DGKB: variants seen among roughly 807,000 people sequenced by gnomAD.
DGKB encodes diacylglycerol kinase beta.
Under a neutral mutation model 114.3 loss-of-function variants are expected in DGKB, and 67 were observed. The observed-to-expected ratio is 0.59, with a 90% CI of 0.48 to 0.72. The LOEUF (loss-of-function observed/expected upper bound fraction) is 0.72. DGKB is among the 30% of genes least tolerant of loss of function. The pLI, the probability that DGKB is intolerant of heterozygous loss-of-function variation, is 0.00. For synonymous variants in DGKB, 398 were observed against 323.1 expected, an observed-to-expected ratio of 1.23 and a Z score of -2.49; for missense variants, 907 against 975.2, an observed-to-expected ratio of 0.93 and a Z score of 0.93.
At chr7:14,858,156 T>A (rs187138824) in intron 1 of DGKB, among the ~76,000 whole-genome samples, 2 of 152,288 alleles carry the variant, frequency 1.3e-5, no homozygotes, top group Admixed American at 1.3e-4. Flanking sequence ...ATCAGCAGTT[T>A]AAAAACATAC....
intron 21 of DGKB, among the ~76,000 whole-genome samples, chr7:14,384,751 G>A (rs1395898924): frequency 6.6e-6 from 1 of 152,204 alleles, no homozygotes; most frequent in Non-Finnish European, 1.5e-5. Flanking sequence ...GAGACATCTG[G>A]TAATATGTAG....
intron 1 of DGKB, among the ~76,000 whole-genome samples, chr7:14,929,551 C>A (rs1784902403): frequency 6.6e-6 from 1 of 151,968 alleles, no homozygotes. Context: ...ATCTTATTTG[C>A]CTACTTTTTA....
chr7:14,591,088 A>G (rs1801629999), intron 17 of DGKB, among the ~76,000 whole-genome samples: 1 of 152,158 alleles, frequency 6.6e-6, no homozygotes, highest in South Asian at 2.1e-4. Flanking sequence ...GAGTCTCAGC[A>G]AGAGCCAAAA....
At chr7:14,713,942 A>T (rs916246886) in intron 6 of DGKB, among the ~76,000 whole-genome samples, 1 of 152,120 alleles carries the variant, frequency 6.6e-6, no homozygotes, top group African/African-American at 2.4e-5. Context: ...TCAAAAATAT[A>T]AAGTTAGTAT....
At chr7:14,182,849 T>G (rs1782838892) in intron 23 of DGKB, among the ~76,000 whole-genome samples, 1 of 152,178 alleles carries the variant, frequency 6.6e-6, no homozygotes, top group African/African-American at 2.4e-5. Flanking sequence ...GAGAATGCAT[T>G]ACAAACACAG....
intron 23 of DGKB, among the ~76,000 whole-genome samples, chr7:14,264,851 A>C (rs914942613): frequency 6.6e-6 from 1 of 152,168 alleles, no homozygotes; most frequent in African/African-American, 2.4e-5. Context: ...TAAATGCACA[A>C]AATCATGAGA....
chr7:14,188,049 T>A (rs975184749), intron 23 of DGKB, among the ~76,000 whole-genome samples: 9 of 151,394 alleles, frequency 5.9e-5, no homozygotes, highest in Admixed American at 5.9e-4. Flanking sequence ...ATTCAATGAA[T>A]GAAATGAAAA....
intron 5 of DGKB, among the ~76,000 whole-genome samples, chr7:14,726,722 A>C (rs962937413): frequency 3.3e-5 from 5 of 152,230 alleles, no homozygotes; most frequent in Admixed American, 1.3e-4. Flanking sequence ...TGCATGTGTA[A>C]ACATGCACAT....
At position 14,599,827 on chromosome 7, in the gene DGKB, A is replaced by G. The variant is rs989497570; in HGVS notation, c.1433+7607T>C. 2.0e-5 allele frequency among the ~76,000 whole-genome samples: 3 copies of G among 152,112 alleles called. No homozygotes were observed. In the South Asian group the frequency reaches 6.2e-4, roughly 31 times the overall value. The stretch of plus-strand genomic sequence containing the variant: ...TTTTACTTATTGGTAAGCTATCATC[A>G]GTTAACTGCCTGGGGCTGGAGGTGA... On this transcript the variant is annotated intron_variant, in intron 17 of 25. Coordinates refer to ENST00000402815, the MANE Select transcript of DGKB (RefSeq NM_001350709.2).
intron 24 of DGKB, 23 bp from the exon 25 acceptor site, chr7:14,176,922 A>G: frequency 1.2e-6 from 2 of 1,612,618 alleles, no homozygotes; most frequent in African/African-American, 1.3e-5. Context: ...ATTTCATTGT[A>G]AGTATTGCAA....
At chr7:14,827,089 A>G (rs79576365) in intron 2 of DGKB, among the ~76,000 whole-genome samples, 10,390 of 152,170 alleles carry the variant, frequency 0.068, 486 homozygotes, top group Admixed American at 0.11. Context: ...GGTCTACAAG[A>G]AGAAAGAAGG....
At chr7:14,281,193 C>A (rs1380054776) in intron 23 of DGKB, among the ~76,000 whole-genome samples, 4 of 147,954 alleles carry the variant, frequency 2.7e-5, no homozygotes, top group Admixed American at 1.3e-4. Context: ...AGAACAAAAA[C>A]AGGCAGGGGT....
intron 6 of DGKB, among the ~76,000 whole-genome samples, chr7:14,704,158 G>T: frequency 6.6e-6 from 1 of 151,854 alleles, no homozygotes; most frequent in South Asian, 2.1e-4. Flanking sequence ...TTTGCCGGCC[G>T]GGCGCGGTGG....
chr7:14,334,360 A>ATG (rs1491407829), intron 23 of DGKB, among the ~76,000 whole-genome samples: 342 of 103,680 alleles, frequency 3.3e-3, no homozygotes, highest in African/African-American at 0.012. Context: ...ATGTATATAC[A>ATG]TATGTGTGTG....
intron 2 of DGKB, among the ~76,000 whole-genome samples, chr7:14,788,996 C>T (rs934926635): frequency 6.6e-6 from 1 of 152,122 alleles, no homozygotes; most frequent in Non-Finnish European, 1.5e-5. Context: ...CGAAGGAAAA[C>T]AGTGGAGCAG....
intron 21 of DGKB, among the ~76,000 whole-genome samples, chr7:14,404,286 A>G (rs546095962): frequency 1.3e-5 from 2 of 151,626 alleles, no homozygotes; most frequent in Non-Finnish European, 2.9e-5. Context: ...TTTAGATGCA[A>G]TGCCCTTTTA....
chr7:14,452,791 G>A (rs1417478742), intron 21 of DGKB, among the ~76,000 whole-genome samples: 3 of 152,010 alleles, frequency 2.0e-5, no homozygotes, highest in African/African-American at 4.8e-5. Flanking sequence ...TTGTTATTGT[G>A]CAAATATCAT....
In DGKB at chr7:14,878,353, C is replaced by A. The variant is rs566293995; in HGVS notation, c.-188+24239G>T. On this transcript the variant is annotated intron_variant, in intron 1 of 25. Transcript: ENST00000402815. ...CTGCATCATAGCTTTAAAAGACTGT[C>A]AGCAGCCAGAGCACTTATGTGACTA... 3.3e-5 allele frequency among the ~76,000 whole-genome samples: 5 copies of A among 152,282 alleles called. No homozygotes were observed. The South Asian group carries it at 1.0e-3, about 32-fold the overall frequency.
chr7:14,504,038 G>A (rs185686065), intron 20 of DGKB, among the ~76,000 whole-genome samples: 1 of 152,294 alleles, frequency 6.6e-6, no homozygotes, highest in Admixed American at 6.5e-5. Context: ...GGGAAATTAT[G>A]ATGTGCAGTT....
Sources: allele counts gnomAD v4.1 joint callset (sites outside exome capture counted in the v4.1 genomes callset), GRCh38; gene constraint gnomAD v4.1.1; transcripts MANE v1.5; gene names NCBI Gene and HGNC (gene_info 2026-07-23, HGNC 2026-07-21).